Variants in ZNF618 observed in about 807,000 individuals in gnomAD.
The protein encoded by ZNF618 is zinc finger protein 618, also known as neural precursor cell expressed, developmentally down-regulated 10.
ZNF618 carries 34 observed loss-of-function variants against 103.0 expected under a neutral mutation model. That is an observed-to-expected ratio of 0.33 (90% CI 0.25 to 0.44). ZNF618 has a LOEUF of 0.44. Ranked by LOEUF, ZNF618 falls within the 20% of genes least tolerant of loss-of-function variation. The pLI, the probability that ZNF618 is intolerant of heterozygous loss-of-function variation, is 1.00. For synonymous variants in ZNF618, 551 were observed against 542.2 expected (o/e 1.02, Z -0.23); for missense variants, 1,059 against 1,295.4 (o/e 0.82, Z 2.80).
At chr9:114,028,313 C>T (rs747973768) in intron 10 of ZNF618, 1 of 184,668 alleles carries the variant, frequency 5.4e-6, no homozygotes, top group Non-Finnish European at 1.1e-5. Context: ...CTCTGCCTCA[C>T]CCCCAGCCCC....
At chr9:113,972,134 A>G (rs1486695365) in intron 2 of ZNF618, among the ~76,000 whole-genome samples, 1 of 152,006 alleles carries the variant, frequency 6.6e-6, no homozygotes, top group Non-Finnish European at 1.5e-5. Flanking sequence ...TGCATCCTCT[A>G]CCTCTTGGGC....
intron 12 of ZNF618, among the ~76,000 whole-genome samples, chr9:114,034,088 T>C (rs1236933177): frequency 6.6e-6 from 1 of 152,306 alleles, no homozygotes; most frequent in East Asian, 1.9e-4. Context: ...GTGGTGGTTG[T>C]GAACATTCAG....
At chr9:114,038,945 T>G (rs767170963) in intron 13 of ZNF618, among the ~76,000 whole-genome samples, 1 of 152,232 alleles carries the variant, frequency 6.6e-6, no homozygotes, top group Non-Finnish European at 1.5e-5. Flanking sequence ...ATATATTCAC[T>G]TATTTAATTC....
chr9:114,014,628 A>G (rs1842512647), intron 9 of ZNF618, among the ~76,000 whole-genome samples: 1 of 152,262 alleles, frequency 6.6e-6, no homozygotes, highest in Non-Finnish European at 1.5e-5. Flanking sequence ...CAAATAGATC[A>G]GGGTCTGACA....
intron 1 of ZNF618, among the ~76,000 whole-genome samples, chr9:113,949,733 G>A (rs553636030): frequency 1.4e-4 from 21 of 152,336 alleles, no homozygotes; most frequent in African/African-American, 4.1e-4. Context: ...AATCCTGCCC[G>A]CCGATGTGTA....
At position 114,036,304 on chromosome 9, in the gene ZNF618, C is replaced by A; in HGVS notation, c.1173C>A (p.Pro391=). The A allele has an allele frequency of 6.4e-7, 1 of 1,571,682 alleles. No individual in the cohort carries two copies. The highest frequency in any genetic ancestry group is 2.3e-5 in the East Asian group (1 of 42,696). ...CTGCCGCATTTCTCCCTCCAGAACCCTACACCTGCGGCGCCTGTGGGATCC... is the reference window on the plus strand; with the variant it reads ...CTGCCGCATTTCTCCCTCCAGAACCATACACCTGCGGCGCCTGTGGGATCC... The part of the protein sequence containing the change: ...TNSSSQNSSE[P]YTCGACGIQF... Residue 391 remains proline (P), a synonymous_variant, in exon 13 of 15, where the codon CCC becomes CCA. Transcript: ENST00000374126.
At chr9:113,914,652 C>G (rs930235094) in intron 1 of ZNF618, among the ~76,000 whole-genome samples, 1 of 152,158 alleles carries the variant, frequency 6.6e-6, no homozygotes, top group African/African-American at 2.4e-5. Context: ...TTGAATGCTC[C>G]CATTGGAATA....
At chr9:113,881,443 CAT>C (rs1033429882) in intron 1 of ZNF618, among the ~76,000 whole-genome samples, 1 of 152,190 alleles carries the variant, frequency 6.6e-6, no homozygotes, top group African/African-American at 2.4e-5. Context: ...TTGATTTTAA[CAT>C]ATTTAACTCA....
intron 1 of ZNF618, among the ~76,000 whole-genome samples, chr9:113,908,888 A>G (rs573955871): frequency 6.6e-6 from 1 of 151,782 alleles, no homozygotes; most frequent in South Asian, 2.1e-4. Flanking sequence ...CTAAATGATC[A>G]TCTTTCCTGC....
chr9:114,024,726 G>GC (rs987844375), intron 10 of ZNF618, among the ~76,000 whole-genome samples: 8 of 151,620 alleles, frequency 5.3e-5, no homozygotes, highest in African/African-American at 1.5e-4. Flanking sequence ...TCACTACACA[G>GC]CCCCCCCACC....
intron 1 of ZNF618, among the ~76,000 whole-genome samples, chr9:113,878,520 T>A (rs1157250046): frequency 6.6e-6 from 1 of 152,092 alleles, no homozygotes; most frequent in Non-Finnish European, 1.5e-5. Context: ...GGCAAATAAA[T>A]ATTGACCGAA....
At chr9:113,975,137 G>A (rs1220111807) in intron 2 of ZNF618, among the ~76,000 whole-genome samples, 2 of 152,140 alleles carry the variant, frequency 1.3e-5, no homozygotes, top group African/African-American at 2.4e-5. Flanking sequence ...TGGAGAGAGG[G>A]CTGGAGGGAG....
In ZNF618 at chr9:114,054,888, T is replaced by G. The variant is rs950093686; in HGVS notation, c.*4721T>G. On this transcript the variant is annotated 3_prime_UTR_variant, in exon 15 of 15. Transcript: ENST00000374126. ...GCGCCCACTCCCACTTTAATGAGGG[T>G]GAAGATTGTCAGGTCACTGTTTGAC... is the stretch of plus-strand genomic sequence containing the variant. 3.3e-5 allele frequency: 5 copies of G among 152,014 alleles called. No individual in the cohort carries two copies. Among genetic ancestry groups the G allele is most frequent in the Non-Finnish European group, 5.9e-5 (4 of 68,012 alleles). 9.4% of individuals were successfully genotyped at this position (152,014 alleles called of 1,614,324 possible). A position where few individuals can be genotyped will look rare whatever the true frequency, so the allele number is the denominator to read the frequency against.
At chr9:113,939,459 T>C (rs567158359) in intron 1 of ZNF618, among the ~76,000 whole-genome samples, 50 of 152,312 alleles carry the variant, frequency 3.3e-4, no homozygotes, top group African/African-American at 1.1e-3. Context: ...CTTTTCTCTT[T>C]TAAATTATCT....
chr9:113,967,404 CATT>C (rs544717334), intron 1 of ZNF618, among the ~76,000 whole-genome samples: 44 of 152,194 alleles, frequency 2.9e-4, no homozygotes, highest in Non-Finnish European at 5.4e-4. Flanking sequence ...ATGGGCAGCT[CATT>C]AATTTCTTCC....
intron 1 of ZNF618, among the ~76,000 whole-genome samples, chr9:113,937,033 G>C (rs1834087173): frequency 6.6e-6 from 1 of 151,946 alleles, no homozygotes; most frequent in African/African-American, 2.4e-5. Flanking sequence ...AATCTAATTT[G>C]GTGTTTATAA....
rs1289675288 is a variant in ZNF618, at chr9:114,007,363, C to T, written c.564C>T (p.Tyr188=). The T allele has an allele frequency of 1.9e-6, 3 of 1,613,830 alleles. No homozygotes were observed. The highest frequency in any genetic ancestry group is 1.7e-5 in the Admixed American group (1 of 60,010). ...EGASQSNNFR[Y]TCDICGKKYK... ...CATCCCATGCAGACAATTTCAGGTACACATGTGATATCTGCGGGAAGAAGT... is the reference window on the plus strand; with the variant it reads ...CATCCCATGCAGACAATTTCAGGTATACATGTGATATCTGCGGGAAGAAGT... Residue 188 remains tyrosine, a synonymous_variant, in exon 7 of 15, where the codon TAC becomes TAT. Coordinates refer to ENST00000374126, the MANE Select transcript of ZNF618 (RefSeq NM_001318042.2).
intron 3 of ZNF618, among the ~76,000 whole-genome samples, chr9:113,995,379 A>T (rs1007771791): frequency 6.6e-6 from 1 of 152,230 alleles, no homozygotes; most frequent in Non-Finnish European, 1.5e-5. Context: ...GTAAAAAATT[A>T]TTGAAAATGC....
chr9:113,973,357 T>A (rs1368154317), intron 2 of ZNF618, among the ~76,000 whole-genome samples: 5 of 152,150 alleles, frequency 3.3e-5, no homozygotes, highest in Non-Finnish European at 7.3e-5. Context: ...CAGGGTCCGC[T>A]TTCATCCCAG....
Sources: allele counts gnomAD v4.1 joint callset (sites outside exome capture counted in the v4.1 genomes callset), GRCh38; gene constraint gnomAD v4.1.1; transcripts MANE v1.5; gene names NCBI Gene and HGNC (gene_info 2026-07-23, HGNC 2026-07-21).